MAP3K9: variants seen among roughly 807,000 people sequenced by gnomAD.
The protein encoded by MAP3K9 is mitogen-activated protein kinase kinase kinase 9.
MAP3K9 carries 46 observed loss-of-function variants against 95.8 expected under a neutral mutation model. That is an observed-to-expected ratio of 0.48 (90% confidence interval 0.38 to 0.61). MAP3K9 has a LOEUF of 0.61. Among genes scored for constraint, MAP3K9 ranks in the 20% least tolerant of loss-of-function variants. MAP3K9 has a pLI of 0.00. For missense variants in MAP3K9, 1,296 were observed against 1,474.3 expected (o/e 0.88, Z 1.98); for synonymous variants, 533 against 593.8 (o/e 0.90, Z 1.49).
chr14:70,750,478 TTTTGTTTG>T (rs1186446586), intron 3 of MAP3K9, among the ~76,000 whole-genome samples: 2 of 152,056 alleles, frequency 1.3e-5, no homozygotes, highest in African/African-American at 4.8e-5. Flanking sequence ...CATTATTGTT[TTTTGTTTG>T]TTTGTTTGTT....
chr14:70,750,641 C>T (rs571355544), intron 3 of MAP3K9, among the ~76,000 whole-genome samples: 35 of 152,188 alleles, frequency 2.3e-4, no homozygotes, highest in South Asian at 8.3e-4. Context: ...TGCACCACCA[C>T]GCCCGGCTAA....
At chr14:70,796,920 G>A (rs577034747) in intron 2 of MAP3K9, among the ~76,000 whole-genome samples, 3 of 152,194 alleles carry the variant, frequency 2.0e-5, no homozygotes, top group Non-Finnish European at 4.4e-5. Context: ...TTGTTTAGCC[G>A]CTGTTATTTG....
At chr14:70,771,757 T>C (rs1047206146) in intron 2 of MAP3K9, among the ~76,000 whole-genome samples, 2 of 152,196 alleles carry the variant, frequency 1.3e-5, no homozygotes, top group African/African-American at 4.8e-5. Flanking sequence ...GAAGTGATTC[T>C]ACCCCAGAGA....
chr14:70,798,548 G>A lies in MAP3K9; in HGVS notation c.820+2119C>T, dbSNP rs377491350. Among the ~76,000 whole-genome samples the A allele has an allele frequency of 2.4e-3, 337 of 137,738 alleles. 2 individuals carry two copies. Among genetic ancestry groups the A allele is most frequent in the South Asian group, 0.021 (90 of 4,216 alleles). The allele number at this position is 137,738 out of a possible 152,430, so 90.4% of individuals were successfully genotyped here. A position where few individuals can be genotyped will look rare whatever the true frequency, so the allele number is the denominator to read the frequency against. ...GGCTGGAGTGCAGTGGCGGGATCTC[G>A]GCTCACTGCAAGCTCCGCCTCCCGG... On this transcript the variant is annotated intron_variant, in intron 2 of 11. Transcript: ENST00000554752.
intron 2 of MAP3K9, among the ~76,000 whole-genome samples, chr14:70,792,611 A>C (rs1181272463): frequency 2.0e-5 from 3 of 152,204 alleles, no homozygotes; most frequent in Non-Finnish European, 2.9e-5. Context: ...GGCAAGTCTA[A>C]TGCCACATCA....
chr14:70,766,578 G>A (rs1330480639), intron 2 of MAP3K9, among the ~76,000 whole-genome samples: 3 of 152,150 alleles, frequency 2.0e-5, no homozygotes, highest in Admixed American at 6.5e-5. Context: ...GTAGCAGCAC[G>A]ATGCTGTTTA....
At chr14:70,749,829 T>C in intron 4 of MAP3K9, 104 bp downstream of exon 4, 1 of 1,389,336 alleles carries the variant, frequency 7.2e-7, no homozygotes, top group East Asian at 2.3e-5. Context: ...ACTGAAACTT[T>C]ATCTCCTCTT....
At chr14:70,800,560 G>C in intron 2 of MAP3K9, 107 bp downstream of exon 2, 1 of 1,118,314 alleles carries the variant, frequency 8.9e-7, no homozygotes, top group Non-Finnish European at 1.3e-6. Context: ...TTTAAGCAAG[G>C]AGTTTCACTG....
chr14:70,769,532 C>G (rs2054503060), intron 2 of MAP3K9, among the ~76,000 whole-genome samples: 1 of 152,178 alleles, frequency 6.6e-6, no homozygotes, highest in Admixed American at 6.5e-5. Flanking sequence ...TGGCTCAAAA[C>G]AATAGAAATT....
At chr14:70,776,160 G>C (rs1200281818) in intron 2 of MAP3K9, among the ~76,000 whole-genome samples, 3 of 152,164 alleles carry the variant, frequency 2.0e-5, no homozygotes, top group Admixed American at 1.3e-4. Context: ...TTACACTCCA[G>C]CCTGGGCGAC....
intron 1 of MAP3K9, among the ~76,000 whole-genome samples, chr14:70,806,813 A>T (rs2054994826): frequency 6.6e-6 from 1 of 152,208 alleles, no homozygotes. Flanking sequence ...CAAAATCACA[A>T]AACTTCACCC....
At chr14:70,739,010 T>C (rs11628333) in intron 7 of MAP3K9, among the ~76,000 whole-genome samples, 49,046 of 151,978 alleles carry the variant, frequency 0.32, 8,569 homozygotes, top group Non-Finnish European at 0.37. Context: ...AAACAAGGAG[T>C]TGAAGGGGCT....
At chr14:70,742,911 T>TTATATATATATATATATATATA (rs3081458) in intron 5 of MAP3K9, among the ~76,000 whole-genome samples, 2 of 143,114 alleles carry the variant, frequency 1.4e-5, no homozygotes, top group African/African-American at 5.2e-5. Flanking sequence ...TTATATATAT[T>TTATATATATATATATATATATA]TATATATATA....
rs796780831 is a variant in MAP3K9, at chr14:70,748,120, ATGG to A, written c.1326+706_1326+708del. Among the ~76,000 whole-genome samples, 10 of 148,974 alleles carry A rather than the reference ATGG, an allele frequency of 6.7e-5. 1 individual carries two copies. Among genetic ancestry groups the A allele is most frequent in the East Asian group, 5.8e-4 (3 of 5,132 alleles). ...AGACTGTCTCAAAAAAAAAAAAAAA[ATGG>A]TAAAAGAAATTAACCAAATCTATAA... On this transcript the variant is annotated intron_variant, in intron 5 of 11. Coordinates refer to ENST00000554752, the MANE Select transcript of MAP3K9 (RefSeq NM_001284230.2).
chr14:70,799,761 C>G (rs986084699), intron 2 of MAP3K9, among the ~76,000 whole-genome samples: 1 of 152,190 alleles, frequency 6.6e-6, no homozygotes. Flanking sequence ...CTGAAGGATG[C>G]AAAGAGAGTG....
rs555473485 is a variant in MAP3K9 at position 70,777,492 on chromosome 14, A to C, written c.821-16310T>G. On this transcript the variant is annotated intron_variant, in intron 2 of 11. Transcript: ENST00000554752. ...TCATCCCAGGAAAGACCCTCCTGACATACTCAAAAGCAGAGGGAATGGTTA... is the reference window on the plus strand; with the variant it reads ...TCATCCCAGGAAAGACCCTCCTGACCTACTCAAAAGCAGAGGGAATGGTTA... Among the ~76,000 whole-genome samples the C allele has an allele frequency of 5.9e-5, 9 of 152,348 alleles. No homozygotes were observed. The East Asian group carries it at 1.7e-3, about 29-fold the overall frequency.
At position 70,809,267 on chromosome 14, in the gene MAP3K9, C is replaced by T. The variant is rs1245511809; in HGVS notation, c.-96G>A. The T allele has an allele frequency of 7.3e-6, 9 of 1,238,402 alleles. No homozygotes were observed. Among genetic ancestry groups the T allele is most frequent in the Non-Finnish European group, 1.0e-6 (1 of 991,526 alleles). 76.7% of individuals were successfully genotyped at this position (1,238,402 alleles called of 1,614,324 possible). On this transcript the variant is annotated 5_prime_UTR_variant, in exon 1 of 12. Transcript: ENST00000554752. ...CCTCCGCAGAGCTGGGAGGACCCCC[C>T]CCCAACGACGGCGGCCGCAGGTAGG...
At chr14:70,775,705 A>C (rs373052399) in intron 2 of MAP3K9, among the ~76,000 whole-genome samples, 46 of 152,334 alleles carry the variant, frequency 3.0e-4, no homozygotes, top group African/African-American at 1.1e-3. Flanking sequence ...TGTTTAGAAC[A>C]GAAGAGAACT....
intron 5 of MAP3K9, among the ~76,000 whole-genome samples, chr14:70,748,447 T>G (rs756766447): frequency 5.5e-4 from 84 of 152,350 alleles, no homozygotes; most frequent in Admixed American, 4.9e-3. Context: ...TTTCTGATTC[T>G]GATGTCAAAA....
Sources: gnomAD v4.1 joint callset for allele counts (sites outside exome capture counted in the v4.1 genomes callset) on GRCh38, gnomAD v4.1.1 for gene constraint, MANE v1.5 for transcripts, NCBI Gene and HGNC (gene_info 2026-07-23, HGNC 2026-07-21) for gene names.